KLHL29: variants seen among roughly 807,000 people sequenced by gnomAD.
KLHL29 encodes kelch-like protein 29.
In KLHL29, 21 loss-of-function variants were observed where a neutral mutation model predicts 80.4. The observed-to-expected ratio is 0.26, with a 90% CI of 0.19 to 0.38. KLHL29 has a LOEUF of 0.38. Among genes scored for constraint, KLHL29 ranks in the 10% least tolerant of loss-of-function variants. KLHL29 has a pLI of 1.00. For missense variants in KLHL29, 867 were observed against 1,223.9 expected, an observed-to-expected ratio of 0.71 and a Z score of 4.35; for synonymous variants, 511 against 526.8, an observed-to-expected ratio of 0.97 and a Z score of 0.41.
chr2:23,389,268 G>A (rs1412023273), intron 1 of KLHL29, among the ~76,000 whole-genome samples: 4 of 152,068 alleles, frequency 2.6e-5, no homozygotes, highest in Admixed American at 2.6e-4. Context: ...TGATGATTTT[G>A]CTCACCCACT....
At chr2:23,698,665 A>G (rs1246144247) in intron 11 of KLHL29, among the ~76,000 whole-genome samples, 1 of 152,228 alleles carries the variant, frequency 6.6e-6, no homozygotes, top group Non-Finnish European at 1.5e-5. Context: ...ATATCATTAT[A>G]TAAATAACCG....
chr2:23,551,801 A>C (rs4665224), intron 2 of KLHL29, among the ~76,000 whole-genome samples: 1 of 152,068 alleles, frequency 6.6e-6, no homozygotes, highest in Non-Finnish European at 1.5e-5. Flanking sequence ...TTAAAAATGC[A>C]GATTCTGACT....
intron 1 of KLHL29, among the ~76,000 whole-genome samples, chr2:23,458,969 G>A (rs1178820653): frequency 6.6e-6 from 1 of 152,194 alleles, no homozygotes; most frequent in Non-Finnish European, 1.5e-5. Context: ...GGAAGAGCAA[G>A]CAAGGATTCA....
chr2:23,447,173 C>T (rs1355888433), intron 1 of KLHL29, among the ~76,000 whole-genome samples: 5 of 152,190 alleles, frequency 3.3e-5, no homozygotes, highest in Admixed American at 3.3e-4. Flanking sequence ...CCATCGTGGA[C>T]GTGTGCTGGA....
chr2:23,525,790 A>G (rs564864619), intron 2 of KLHL29, among the ~76,000 whole-genome samples: 26 of 145,694 alleles, frequency 1.8e-4, no homozygotes, highest in African/African-American at 6.0e-4. Flanking sequence ...TTAGAAAGCT[A>G]TCAGGTGCGC....
chr2:23,390,190 A>C (rs1019658604), intron 1 of KLHL29, among the ~76,000 whole-genome samples: 4 of 152,262 alleles, frequency 2.6e-5, no homozygotes, highest in African/African-American at 9.6e-5. Flanking sequence ...GTAGCAACAG[A>C]GTTCTTTGTG....
chr2:23,550,351 A>G (rs994890931), intron 2 of KLHL29, among the ~76,000 whole-genome samples: 2 of 151,960 alleles, frequency 1.3e-5, no homozygotes, highest in African/African-American at 4.8e-5. Context: ...CTGGGGAGGG[A>G]TTTGGACAAG....
At chr2:23,486,991 A>G (rs376647902) in intron 2 of KLHL29, among the ~76,000 whole-genome samples, 5 of 152,278 alleles carry the variant, frequency 3.3e-5, no homozygotes, top group Non-Finnish European at 7.4e-5. Context: ...TACTGTTGTT[A>G]TCTCCTGTAC....
chr2:23,572,771 G>A (rs1667746701), intron 3 of KLHL29, among the ~76,000 whole-genome samples: 1 of 150,378 alleles, frequency 6.6e-6, no homozygotes, highest in Non-Finnish European at 1.5e-5. Flanking sequence ...CACGATCTCA[G>A]CTCACTGCAA....
chr2:23,452,925 C>T (rs1385362913), intron 1 of KLHL29, among the ~76,000 whole-genome samples: 1 of 151,548 alleles, frequency 6.6e-6, no homozygotes. Context: ...CACACACACA[C>T]ACATCCCCCA....
chr2:23,546,220 T>C (rs1377761504), intron 2 of KLHL29, among the ~76,000 whole-genome samples: 1 of 152,202 alleles, frequency 6.6e-6, no homozygotes, highest in East Asian at 1.9e-4. Flanking sequence ...ATGTGACTGA[T>C]GGGTGTGAGT....
chr2:23,395,239 G>A (rs1379170814), intron 1 of KLHL29, among the ~76,000 whole-genome samples: 1 of 152,308 alleles, frequency 6.6e-6, no homozygotes, highest in Admixed American at 6.5e-5. Context: ...AGAGCAGAGA[G>A]AACCAAGTTG....
intron 2 of KLHL29, among the ~76,000 whole-genome samples, chr2:23,530,949 G>A (rs1666471777): frequency 6.6e-6 from 1 of 152,236 alleles, no homozygotes; most frequent in Non-Finnish European, 1.5e-5. Context: ...ATGCAGACAT[G>A]GGCAGAGTCT....
At chr2:23,432,117 G>A (rs1300057858) in intron 1 of KLHL29, among the ~76,000 whole-genome samples, 3 of 152,020 alleles carry the variant, frequency 2.0e-5, no homozygotes, top group Non-Finnish European at 4.4e-5. Context: ...ATATAAACAC[G>A]CTATTTAGTG....
chr2:23,615,929 AC>A (rs1668992813), intron 3 of KLHL29, among the ~76,000 whole-genome samples: 1 of 151,520 alleles, frequency 6.6e-6, no homozygotes, highest in African/African-American at 2.4e-5. Context: ...CCCTCCCCAG[AC>A]CCCCTCTGCT....
At chr2:23,398,207 AC>A (rs1258565711) in intron 1 of KLHL29, among the ~76,000 whole-genome samples, 10 of 152,274 alleles carry the variant, frequency 6.6e-5, no homozygotes, top group African/African-American at 2.4e-4. Flanking sequence ...GGTAGAAGCA[AC>A]CCAAGTGTCC....
At chr2:23,614,020 G>A (rs1051826028) in intron 3 of KLHL29, among the ~76,000 whole-genome samples, 3 of 152,052 alleles carry the variant, frequency 2.0e-5, no homozygotes, top group Admixed American at 6.6e-5. Context: ...GTGGACAAAG[G>A]ACAGATAGAA....
At chr2:23,693,678 A>G in intron 8 of KLHL29, 150 bp downstream of exon 8, 2 of 867,742 alleles carry the variant, frequency 2.3e-6, no homozygotes, top group East Asian at 5.4e-5. Flanking sequence ...AGAGGTGAGA[A>G]ACCAGTCACC....
At chr2:23,583,088 G>T (rs1235393344) in intron 3 of KLHL29, among the ~76,000 whole-genome samples, 1 of 152,224 alleles carries the variant, frequency 6.6e-6, no homozygotes, top group Non-Finnish European at 1.5e-5. Flanking sequence ...AGAACTGGAA[G>T]AGGCAAAGGA....
Sources: allele counts gnomAD v4.1 joint callset (sites outside exome capture counted in the v4.1 genomes callset), GRCh38; gene constraint gnomAD v4.1.1; transcripts MANE v1.5; gene names NCBI Gene and HGNC (gene_info 2026-07-23, HGNC 2026-07-21).